The following STAG1 variants were observed in gnomAD, a reference collection of about 807,000 sequenced individuals.
STAG1 encodes the protein cohesin subunit SA-1.
STAG1 carries 26 observed loss-of-function variants against 170.9 expected under a neutral mutation model. That is an observed-to-expected ratio of 0.15 (90% CI 0.11 to 0.21). The LOEUF is 0.21. STAG1 is among the 10% of genes least tolerant of loss of function. The probability of loss-of-function intolerance (pLI) is 1.00; values close to 1 mark genes in which losing one functional copy is unlikely to be tolerated. For synonymous variants in STAG1, 514 were observed against 497.7 expected (o/e 1.03, Z -0.44); for missense variants, 964 against 1,509.5 (o/e 0.64, Z 5.99).
intron 4 of STAG1, among the ~76,000 whole-genome samples, chr3:136,576,953 G>A (rs576765487): frequency 1.3e-5 from 2 of 152,146 alleles, no homozygotes; most frequent in African/African-American, 2.4e-5. Flanking sequence ...CGTTTGCTTT[G>A]GATTAAAGAT....
At chr3:136,552,375 A>G (rs892003412) in intron 5 of STAG1, among the ~76,000 whole-genome samples, 2 of 152,204 alleles carry the variant, frequency 1.3e-5, no homozygotes, top group African/African-American at 4.8e-5. Context: ...TATATATACA[A>G]GTTCAGTTTA....
intron 1 of STAG1, among the ~76,000 whole-genome samples, chr3:136,702,155 C>A (rs1310334614): frequency 6.8e-5 from 5 of 73,486 alleles, no homozygotes; most frequent in African/African-American, 3.7e-4. Context: ...GACAGAGAGA[C>A]AGAGAGAATG....
At chr3:136,497,654 C>T (rs1933188604) in intron 9 of STAG1, among the ~76,000 whole-genome samples, 1 of 151,216 alleles carries the variant, frequency 6.6e-6, no homozygotes, top group South Asian at 2.1e-4. Flanking sequence ...CCCTGGCTAA[C>T]ACGGTGAAAC....
intron 1 of STAG1, among the ~76,000 whole-genome samples, chr3:136,680,624 T>C (rs761662640): frequency 1.3e-5 from 2 of 151,920 alleles, no homozygotes; most frequent in African/African-American, 2.4e-5. Context: ...TCATGTAAAA[T>C]TATAAATAAA....
chr3:136,521,650 T>C (rs113510149), intron 6 of STAG1, among the ~76,000 whole-genome samples: 7 of 152,284 alleles, frequency 4.6e-5, no homozygotes, highest in African/African-American at 1.4e-4. Flanking sequence ...TCTACTTTAT[T>C]GTTCTAAGTC....
chr3:136,634,281 T>TGGG (rs1940460780), intron 1 of STAG1, among the ~76,000 whole-genome samples: 1 of 151,602 alleles, frequency 6.6e-6, no homozygotes, highest in Admixed American at 6.6e-5. Context: ...CACTTGAGCC[T>TGGG]AGGAGGTTGA....
At chr3:136,392,009 A>AATTTAAACAGTTATAGAAAC (rs1458784471) in intron 22 of STAG1, among the ~76,000 whole-genome samples, 3 of 152,238 alleles carry the variant, frequency 2.0e-5, no homozygotes, top group Admixed American at 6.5e-5. Context: ...TTATAACTTG[A>AATTTAAACAGTTATAGAAAC]ATTTAAACTT....
At chr3:136,566,421 T>C (rs1032339009) in intron 5 of STAG1, among the ~76,000 whole-genome samples, 5 of 152,232 alleles carry the variant, frequency 3.3e-5, no homozygotes, top group Non-Finnish European at 5.9e-5. Context: ...TAAATTTCTA[T>C]TATTTGTAAG....
At chr3:136,441,684 G>T (rs557833673) in intron 15 of STAG1, among the ~76,000 whole-genome samples, 2 of 152,082 alleles carry the variant, frequency 1.3e-5, no homozygotes, top group African/African-American at 4.8e-5. Flanking sequence ...TACTGCGGGG[G>T]ATGGCTCATT....
At chr3:136,742,507 G>A (rs1934719617) in intron 1 of STAG1, among the ~76,000 whole-genome samples, 2 of 151,986 alleles carry the variant, frequency 1.3e-5, no homozygotes, top group South Asian at 4.2e-4. Context: ...GAAGTCAGGA[G>A]TTCAAGACTA....
chr3:136,549,900 A>C lies in STAG1; in HGVS notation c.395-7705T>G, dbSNP rs975816303. On this transcript the variant is annotated intron_variant, in intron 5 of 33. Coordinates refer to ENST00000383202, the MANE Select transcript of STAG1 (RefSeq NM_005862.3). ...CATGAAAAGGGTGCTGGATTTTATA[A>C]AACTCTTTGTCTGGTATCTACTGAG... Among the ~76,000 whole-genome samples the C allele has an allele frequency of 2.6e-5, 4 of 152,176 alleles. No homozygotes were observed. The East Asian group carries it at 7.7e-4, about 29-fold the overall frequency.
intron 9 of STAG1, among the ~76,000 whole-genome samples, chr3:136,497,089 T>C (rs1933148356): frequency 6.6e-6 from 1 of 152,068 alleles, no homozygotes; most frequent in Non-Finnish European, 1.5e-5. Flanking sequence ...CTATATCTAC[T>C]GGAGAAAATT....
intron 1 of STAG1, among the ~76,000 whole-genome samples, chr3:136,727,294 T>A (rs2107936225): frequency 6.6e-6 from 1 of 152,116 alleles, no homozygotes; most frequent in Admixed American, 6.5e-5. Flanking sequence ...TCATTCCCCA[T>A]CTATGTTTAT....
chr3:136,667,411 T>C (rs35304385), intron 1 of STAG1, among the ~76,000 whole-genome samples: 26,719 of 151,268 alleles, frequency 0.18, 2,890 homozygotes, highest in Non-Finnish European at 0.24. Flanking sequence ...GATAGATAGA[T>C]AGACAGACAG....
chr3:136,430,946 C>T (rs1297295195), intron 16 of STAG1, among the ~76,000 whole-genome samples: 1 of 151,894 alleles, frequency 6.6e-6, no homozygotes, highest in African/African-American at 2.4e-5. Context: ...CTCTGTCACC[C>T]AGGCTAGAGT....
chr3:136,720,799 G>C (rs994609065), intron 1 of STAG1, among the ~76,000 whole-genome samples: 33 of 149,922 alleles, frequency 2.2e-4, no homozygotes, highest in Admixed American at 9.3e-4. Flanking sequence ...AAAAAAAAAA[G>C]AAAAAGAAAA....
chr3:136,450,191 C>T (rs1034962825), intron 14 of STAG1, among the ~76,000 whole-genome samples: 1 of 152,100 alleles, frequency 6.6e-6, no homozygotes, highest in Non-Finnish European at 1.5e-5. Flanking sequence ...TGCACCCTTG[C>T]TTGTTAAGAA....
chr3:136,443,656 G>A (rs1404899211), intron 14 of STAG1, among the ~76,000 whole-genome samples: 1 of 152,180 alleles, frequency 6.6e-6, no homozygotes, highest in Non-Finnish European at 1.5e-5. Context: ...ATTTATAGAT[G>A]AGGAAACAGA....
At chr3:136,712,887 T>C (rs985997987) in intron 1 of STAG1, among the ~76,000 whole-genome samples, 2 of 151,972 alleles carry the variant, frequency 1.3e-5, no homozygotes, top group Non-Finnish European at 2.9e-5. Flanking sequence ...GGTCAGGAGT[T>C]TGAGACCAGC....
Sources: gnomAD v4.1 joint callset for allele counts (sites outside exome capture counted in the v4.1 genomes callset) on GRCh38, gnomAD v4.1.1 for gene constraint, MANE v1.5 for transcripts, NCBI Gene and HGNC (gene_info 2026-07-23, HGNC 2026-07-21) for gene names.